CPA6: variants seen among roughly 807,000 people sequenced by gnomAD.
CPA6 encodes carboxypeptidase A6.
Under a neutral mutation model 63.3 loss-of-function variants are expected in CPA6, and 58 were observed. That is an observed-to-expected ratio of 0.92 (90% CI 0.74 to 1.14). The LOEUF (loss-of-function observed/expected upper bound fraction) is 1.14. Among genes scored for constraint, CPA6 ranks in the 50% most tolerant of loss-of-function variants. The pLI, the probability that CPA6 is intolerant of heterozygous loss-of-function variation, is 0.00. For missense variants in CPA6, 565 were observed against 526.6 expected (o/e 1.07, Z -0.71); for synonymous variants, 185 against 179.0 (o/e 1.03, Z -0.27).
chr8:67,513,922 C>G (rs983144379), intron 3 of CPA6, among the ~76,000 whole-genome samples: 2 of 152,060 alleles, frequency 1.3e-5, no homozygotes, highest in Non-Finnish European at 2.9e-5. Flanking sequence ...AAACCACCTC[C>G]CCAAAGTTTC....
chr8:67,563,831 CA>C (rs1221761886), intron 2 of CPA6, among the ~76,000 whole-genome samples: 1 of 152,114 alleles, frequency 6.6e-6, no homozygotes, highest in Non-Finnish European at 1.5e-5. Flanking sequence ...TGATTTCTAC[CA>C]CATTCTATGA....
At chr8:67,594,479 T>C (rs1354934337) in intron 2 of CPA6, among the ~76,000 whole-genome samples, 7 of 152,212 alleles carry the variant, frequency 4.6e-5, no homozygotes, top group Non-Finnish European at 7.3e-5. Flanking sequence ...TGCAGAGTGT[T>C]TTCCATCTTG....
chr8:67,719,220 A>G (rs1254687568), intron 1 of CPA6, among the ~76,000 whole-genome samples: 2 of 152,188 alleles, frequency 1.3e-5, no homozygotes, highest in Non-Finnish European at 1.5e-5. Context: ...AACAAAGAGC[A>G]TGCCAGGGGA....
intron 1 of CPA6, among the ~76,000 whole-genome samples, chr8:67,732,404 TTCC>T (rs1375982111): frequency 2.6e-5 from 4 of 152,200 alleles, no homozygotes; most frequent in African/African-American, 9.6e-5. Context: ...CTCTCATCCC[TTCC>T]TCCTCTTCTT....
chr8:67,513,861 T>C (rs745592177), intron 3 of CPA6, among the ~76,000 whole-genome samples: 1 of 152,190 alleles, frequency 6.6e-6, no homozygotes. Flanking sequence ...ATTCCTGTAA[T>C]GGTGACTAGA....
At chr8:67,721,500 A>G (rs758975043) in intron 1 of CPA6, among the ~76,000 whole-genome samples, 4 of 152,224 alleles carry the variant, frequency 2.6e-5, no homozygotes, top group Admixed American at 2.6e-4. Context: ...ATTTTGATGT[A>G]CCTTGTCACC....
At chr8:67,721,502 C>T (rs917898405) in intron 1 of CPA6, among the ~76,000 whole-genome samples, 1 of 152,136 alleles carries the variant, frequency 6.6e-6, no homozygotes, top group African/African-American at 2.4e-5. Flanking sequence ...TTTGATGTAC[C>T]TTGTCACCCA....
At chr8:67,481,022 T>G (rs1254057927) in intron 8 of CPA6, among the ~76,000 whole-genome samples, 1 of 152,200 alleles carries the variant, frequency 6.6e-6, no homozygotes, top group Non-Finnish European at 1.5e-5. Context: ...GTTACTTGTG[T>G]TTTTATTGTT....
chr8:67,556,831 T>G (rs1813073332), intron 2 of CPA6, among the ~76,000 whole-genome samples: 2 of 152,212 alleles, frequency 1.3e-5, no homozygotes, highest in African/African-American at 4.8e-5. Flanking sequence ...GTTTGCTGCA[T>G]AGGCTTTTTA....
At chr8:67,484,188 A>G (rs1399354798) in intron 7 of CPA6, among the ~76,000 whole-genome samples, 5 of 151,502 alleles carry the variant, frequency 3.3e-5, no homozygotes, top group African/African-American at 1.2e-4. Context: ...TCCTGCCTCA[A>G]CCTCCCGAGT....
chr8:67,710,715 G>T (rs1170298069), intron 1 of CPA6, among the ~76,000 whole-genome samples: 1 of 150,300 alleles, frequency 6.7e-6, no homozygotes. Flanking sequence ...TTTTCTCTAG[G>T]GTCCCATTGG....
intron 2 of CPA6, among the ~76,000 whole-genome samples, chr8:67,584,805 A>C (rs1813881554): frequency 6.6e-6 from 1 of 152,160 alleles, no homozygotes; most frequent in Non-Finnish European, 1.5e-5. Context: ...GATCTAGAAT[A>C]AACATTTGTT....
chr8:67,447,947 G>C (rs1327421496), intron 8 of CPA6, among the ~76,000 whole-genome samples: 1 of 152,064 alleles, frequency 6.6e-6, no homozygotes, highest in African/African-American at 2.4e-5. Context: ...ACCACGCCAG[G>C]CTAATTTTGG....
At chr8:67,478,586 T>C (rs961368622) in intron 8 of CPA6, among the ~76,000 whole-genome samples, 1 of 152,170 alleles carries the variant, frequency 6.6e-6, no homozygotes, top group African/African-American at 2.4e-5. Context: ...CCAGCTGGTG[T>C]CCACTGCAGA....
intron 2 of CPA6, among the ~76,000 whole-genome samples, chr8:67,601,871 T>C (rs530462577): frequency 6.6e-6 from 1 of 152,328 alleles, no homozygotes; most frequent in South Asian, 2.1e-4. Flanking sequence ...ATTCTATTTC[T>C]GAGAACTTAT....
chr8:67,683,168 T>A (rs769346562), intron 1 of CPA6, among the ~76,000 whole-genome samples: 3 of 152,228 alleles, frequency 2.0e-5, no homozygotes, highest in Non-Finnish European at 4.4e-5. Flanking sequence ...ATCACTGTCC[T>A]ATTGTACCTG....
In CPA6 at chr8:67,707,357, C is replaced by G. The variant is rs76175286; in HGVS notation, c.116+38657G>C. On this transcript the variant is annotated intron_variant, in intron 1 of 10. Coordinates refer to ENST00000297770, the MANE Select transcript of CPA6 (RefSeq NM_020361.5). ...GCTTAAAACCTTGCTGATTCTTTTT[C>G]AAAGCCAAGAAAACTTTTCTTTTAA... Among the ~76,000 whole-genome samples, 1,089 of 152,292 alleles carry G rather than the reference C, an allele frequency of 7.2e-3. 18 individuals carry two copies. Among genetic ancestry groups the G allele is most frequent in the African/African-American group, 0.025 (1,030 of 41,572 alleles).
intron 2 of CPA6, among the ~76,000 whole-genome samples, chr8:67,527,221 G>T (rs1406504218): frequency 1.3e-5 from 2 of 152,144 alleles, no homozygotes; most frequent in Admixed American, 6.5e-5. Context: ...ATTCCATTTG[G>T]TGTTCTCAAC....
chr8:67,597,082 T>C (rs994937780), intron 2 of CPA6, among the ~76,000 whole-genome samples: 7 of 152,216 alleles, frequency 4.6e-5, no homozygotes, highest in Non-Finnish European at 7.3e-5. Flanking sequence ...AATCAATAAA[T>C]GTATTGTGGT....
Sources: gnomAD v4.1 joint callset for allele counts (sites outside exome capture counted in the v4.1 genomes callset) on GRCh38, gnomAD v4.1.1 for gene constraint, MANE v1.5 for transcripts, NCBI Gene and HGNC (gene_info 2026-07-23, HGNC 2026-07-21) for gene names.